CFAP46: variants seen among roughly 807,000 people sequenced by gnomAD.
CFAP46 encodes the protein cilia and flagella associated protein 46, also known as cilia- and flagella-associated protein 46.
A neutral mutation model predicts 325.7 loss-of-function variants in CFAP46; 245 were observed. That is an observed-to-expected ratio of 0.75 (90% confidence interval 0.68 to 0.84). The LOEUF is 0.84. Ranked by LOEUF, CFAP46 falls within the 40% of genes least tolerant of loss-of-function variation. The pLI is 0.00. For missense variants in CFAP46, 3,346 were observed against 3,543.0 expected (o/e 0.94, Z 1.41); for synonymous variants, 1,523 against 1,495.9 (o/e 1.02, Z -0.42).
chr10:132,822,594 A>G (rs1237243212), intron 50 of CFAP46, among the ~76,000 whole-genome samples: 1 of 70,114 alleles, frequency 1.4e-5, no homozygotes, highest in Non-Finnish European at 2.7e-5. Flanking sequence ...GTGCTGTGTG[A>G]GTGCTGATGT....
At chr10:132,917,621 T>C (rs1018208274) in intron 16 of CFAP46, among the ~76,000 whole-genome samples, 1 of 152,190 alleles carries the variant, frequency 6.6e-6, no homozygotes, top group Non-Finnish European at 1.5e-5. Context: ...GATTCACCAC[T>C]CAGAAATGAT....
At chr10:132,816,628 C>G (rs1336597483) in intron 50 of CFAP46, among the ~76,000 whole-genome samples, 1 of 152,182 alleles carries the variant, frequency 6.6e-6, no homozygotes, top group African/African-American at 2.4e-5. Context: ...CAATTGTGCC[C>G]GGCCAACTCT....
Position 132,916,664 on chromosome 10 carries a change from G to A in CFAP46, c.2005C>T (p.Arg669Trp), listed in dbSNP as rs375330278. 3.3e-3 allele frequency: 4,838 copies of A among 1,487,704 alleles called. 8 individuals carry two copies. Among genetic ancestry groups the A allele is most frequent in the Non-Finnish European group, 3.6e-3 (4,033 of 1,113,782 alleles). 92.2% of individuals were successfully genotyped at this position (1,487,704 alleles called of 1,614,324 possible). A position where few individuals can be genotyped will look rare whatever the true frequency, so the allele number is the denominator to read the frequency against. ...TCATTCAGCTCTACACCTTCTGACC[G>A]CAGCAAATGAACCGTGGCCTGCAAA... ...IHAEATVHLL[R>W]SEGVELNDRA... The change falls in exon 17 of 58, where the codon CGG becomes TGG. Residue 669 changes from arginine to tryptophan, a missense_variant. Transcript: ENST00000368586.
rs773751347 is a variant in CFAP46, at chr10:132,893,051, C to T, written c.3220-634G>A. Among the ~76,000 whole-genome samples the T allele has an allele frequency of 3.3e-5, 5 of 152,162 alleles. No homozygotes were observed. The East Asian group carries it at 5.8e-4, about 18-fold the overall frequency. On this transcript the variant is annotated intron_variant, in intron 24 of 57. Transcript: ENST00000368586. ...CTAAAACTGGTAATGAGTAGCTTCCCGATAAGATCTCAGGAGTTGGGTGAG... is the reference window on the plus strand; with the variant it reads ...CTAAAACTGGTAATGAGTAGCTTCCTGATAAGATCTCAGGAGTTGGGTGAG...
intron 44 of CFAP46, among the ~76,000 whole-genome samples, chr10:132,838,503 C>A (rs1198434288): frequency 1.3e-5 from 2 of 152,282 alleles, no homozygotes; most frequent in African/African-American, 4.8e-5. Context: ...CAGATTCTAG[C>A]AGCTCAGGTG....
intron 57 of CFAP46, among the ~76,000 whole-genome samples, chr10:132,809,174 G>A (rs1847528958): frequency 6.6e-6 from 1 of 152,176 alleles, no homozygotes; most frequent in African/African-American, 2.4e-5. Flanking sequence ...GGCCAGGCGA[G>A]CTGCTCTGCT....
chr10:132,845,484 A>G (rs1346130819), intron 44 of CFAP46, among the ~76,000 whole-genome samples: 3 of 152,196 alleles, frequency 2.0e-5, no homozygotes, highest in African/African-American at 4.8e-5. Context: ...CACCCCAACG[A>G]GAGGACCAGG....
At chr10:132,880,840 C>A (rs1203290527) in intron 28 of CFAP46, 21 bp downstream of exon 28, 2 of 1,540,250 alleles carry the variant, frequency 1.3e-6, no homozygotes, top group African/African-American at 2.7e-5. Flanking sequence ...GGTCGGCACC[C>A]TGCCAGCGGC....
chr10:132,908,130 CTT>C (rs1849484138), intron 22 of CFAP46, among the ~76,000 whole-genome samples: 1 of 152,258 alleles, frequency 6.6e-6, no homozygotes, highest in African/African-American at 2.4e-5. Context: ...CCACTGCTGA[CTT>C]GTCCATGAGG....
chr10:132,839,350 A>G (rs1848315334), intron 44 of CFAP46, among the ~76,000 whole-genome samples: 1 of 152,200 alleles, frequency 6.6e-6, no homozygotes, highest in African/African-American at 2.4e-5. Context: ...CAACATTGCT[A>G]ATAGCTCAGG....
chr10:132,824,734 G>A (rs1848001227), intron 50 of CFAP46, among the ~76,000 whole-genome samples: 2 of 81,178 alleles, frequency 2.5e-5, no homozygotes, highest in Non-Finnish European at 4.4e-5. Flanking sequence ...TGTGTGCTGT[G>A]TGTGTGCTGT....
intron 25 of CFAP46, among the ~76,000 whole-genome samples, chr10:132,891,491 T>A (rs984059970): frequency 6.6e-6 from 1 of 152,250 alleles, no homozygotes; most frequent in African/African-American, 2.4e-5. Context: ...TAGCATCGCA[T>A]GACAGATAGC....
chr10:132,913,345 C>T, intron 17 of CFAP46, 87 bp from the exon 18 acceptor site: 1 of 896,330 alleles, frequency 1.1e-6, no homozygotes, highest in Non-Finnish European at 1.7e-6. Context: ...CTGTTAGGAA[C>T]CAGGCTGCAG....
intron 7 of CFAP46, among the ~76,000 whole-genome samples, chr10:132,936,634 T>A: frequency 7.3e-6 from 1 of 137,136 alleles, no homozygotes; most frequent in African/African-American, 2.7e-5. Flanking sequence ...AAACACACCA[T>A]GATCTCCTCA....
chr10:132,911,685 G>A (rs1173806296), intron 19 of CFAP46, among the ~76,000 whole-genome samples: 1 of 152,202 alleles, frequency 6.6e-6, no homozygotes, highest in Non-Finnish European at 1.5e-5. Flanking sequence ...CTTCCTTTTG[G>A]ATTACAACAA....
Position 132,904,651 on chromosome 10 carries a change from A to G in CFAP46, c.2924+3817T>C, listed in dbSNP as rs147174924. 8.5e-5 allele frequency among the ~76,000 whole-genome samples: 13 copies of G among 152,282 alleles called. No homozygotes were observed. In the East Asian group the frequency reaches 2.5e-3, roughly 29 times the overall value. Reference sequence around the variant, plus strand: ...CCTGTTGTGTGCCGCTCTGCCCTCCACACTTGGGGAAGTAATTGTAACTCA... The same window carrying G: ...CCTGTTGTGTGCCGCTCTGCCCTCCGCACTTGGGGAAGTAATTGTAACTCA... On this transcript the variant is annotated intron_variant, in intron 22 of 57. Transcript: ENST00000368586.
intron 1 of CFAP46, 139 bp downstream of exon 1, chr10:132,942,297 T>G: frequency 1.1e-6 from 1 of 882,584 alleles, no homozygotes; most frequent in Non-Finnish European, 1.5e-6. Context: ...GATCGGGAGG[T>G]GGGGGCTCCG....
intron 50 of CFAP46, among the ~76,000 whole-genome samples, chr10:132,821,292 G>C (rs1462442821): frequency 7.0e-6 from 1 of 142,280 alleles, no homozygotes; most frequent in Non-Finnish European, 1.5e-5. Flanking sequence ...GCTGATGTGT[G>C]CTGTGTGTGC....
Position 132,879,604 on chromosome 10 carries a change from G to C in CFAP46, c.3827C>G (p.Pro1276Arg). The C allele has an allele frequency of 1.3e-6, 2 of 1,543,260 alleles. No individual in the cohort carries two copies. Among genetic ancestry groups the C allele is most frequent in the Non-Finnish European group, 1.7e-6 (2 of 1,144,304 alleles). Residue 1276 changes from proline (P) to arginine (R), a missense_variant, in exon 29 of 58, where the codon CCA becomes CGA. Coordinates refer to ENST00000368586, the MANE Select transcript of CFAP46 (RefSeq NM_001200049.3). ...DGEYVAVEMPPRSPVSEAEEA... is the reference protein window; with the variant it reads ...DGEYVAVEMPRRSPVSEAEEA... ...CTCGGCCTCGGACACGGGGCTCCGT[G>C]GGGGCATCTCCACAGCCACGTACTC...
Sources: allele counts gnomAD v4.1 joint callset (sites outside exome capture counted in the v4.1 genomes callset), GRCh38; gene constraint gnomAD v4.1.1; transcripts MANE v1.5; gene names NCBI Gene and HGNC (gene_info 2026-07-23, HGNC 2026-07-21).